KCNMB2: variants seen among roughly 807,000 people sequenced by gnomAD.
The protein encoded by KCNMB2 is calcium-activated potassium channel subunit beta-2.
Under a neutral mutation model 24.5 loss-of-function variants are expected in KCNMB2, and 9 were observed. That is an observed-to-expected ratio of 0.37 (90% CI 0.22 to 0.64). The LOEUF (loss-of-function observed/expected upper bound fraction) is 0.64, where lower values mean the gene tolerates loss of function less well. Ranked by LOEUF, KCNMB2 falls within the 30% of genes least tolerant of loss-of-function variation. KCNMB2 has a pLI of 0.63. For synonymous variants in KCNMB2, 109 were observed against 104.4 expected (o/e 1.04, Z -0.27); for missense variants, 226 against 284.3 (o/e 0.79, Z 1.47).
intron 1 of KCNMB2, among the ~76,000 whole-genome samples, chr3:178,606,800 G>C (rs937154894): frequency 6.6e-6 from 1 of 152,150 alleles, no homozygotes; most frequent in Non-Finnish European, 1.5e-5. Flanking sequence ...AGGAGAGTAA[G>C]TCACAAGGGC....
chr3:178,589,528 T>C (rs927731031), intron 1 of KCNMB2, among the ~76,000 whole-genome samples: 6 of 152,132 alleles, frequency 3.9e-5, no homozygotes, highest in African/African-American at 1.4e-4. Flanking sequence ...ACCCAAGCTA[T>C]AATGCAGTAG....
intron 1 of KCNMB2, among the ~76,000 whole-genome samples, chr3:178,546,137 A>T (rs760871147): frequency 1.3e-5 from 2 of 152,244 alleles, no homozygotes; most frequent in Non-Finnish European, 2.9e-5. Flanking sequence ...GGTTTAGATA[A>T]CATATACCCA....
At position 178,554,094 on chromosome 3, in the gene KCNMB2, GT is replaced by G. The variant is rs898292641; in HGVS notation, c.-68+17393del. Among the ~76,000 whole-genome samples the G allele has an allele frequency of 3.0e-3, 456 of 149,650 alleles. 2 individuals carry two copies. Among genetic ancestry groups the G allele is most frequent in the African/African-American group, 0.01 (421 of 40,846 alleles). ...TGCTGATGATAAAGCTATGAGGTAG[GT>G]TTTTTTTTTAATATCTGTTTCTCAG... On this transcript the variant is annotated intron_variant, in intron 1 of 4. Coordinates refer to ENST00000452583, the MANE Select transcript of KCNMB2 (RefSeq NM_181361.3).
At chr3:178,837,387 C>G (rs766213004) in intron 4 of KCNMB2, among the ~76,000 whole-genome samples, 23 of 152,116 alleles carry the variant, frequency 1.5e-4, no homozygotes, top group Non-Finnish European at 2.9e-4. Context: ...TTCTGAGAGG[C>G]CACATAACTT....
At chr3:178,567,642 G>GACAA (rs59542218) in intron 1 of KCNMB2, among the ~76,000 whole-genome samples, 37,773 of 151,832 alleles carry the variant, frequency 0.25, 7,699 homozygotes, top group African/African-American at 0.57. Context: ...AATTATAAAA[G>GACAA]ACAAACATAA....
intron 1 of KCNMB2, among the ~76,000 whole-genome samples, chr3:178,570,153 C>G (rs1427762684): frequency 6.6e-6 from 1 of 152,074 alleles, no homozygotes; most frequent in African/African-American, 2.4e-5. Context: ...TTTCAATATT[C>G]CCCAATATCT....
intron 1 of KCNMB2, among the ~76,000 whole-genome samples, chr3:178,570,137 G>C (rs1337583017): frequency 6.6e-6 from 1 of 152,146 alleles, no homozygotes; most frequent in Non-Finnish European, 1.5e-5. Context: ...GAATGAAGTA[G>C]TTTGTTTTCA....
chr3:178,759,653 CTCCAAGAGGGATATATATATATATA>C (rs1711627144), intron 1 of KCNMB2, among the ~76,000 whole-genome samples: 7 of 100,046 alleles, frequency 7.0e-5, no homozygotes, highest in African/African-American at 1.2e-4. Flanking sequence ...ATATATATAT[CTCCAAGAGGGATATATATATATATA>C]TCCAAGAGGA....
At chr3:178,715,677 A>T (rs1168725590) in intron 1 of KCNMB2, among the ~76,000 whole-genome samples, 1 of 152,034 alleles carries the variant, frequency 6.6e-6, no homozygotes, top group Admixed American at 6.6e-5. Context: ...TCCAACTGGG[A>T]CCTGCCTCTT....
At chr3:178,729,111 A>G (rs1311869172) in intron 1 of KCNMB2, among the ~76,000 whole-genome samples, 1 of 152,204 alleles carries the variant, frequency 6.6e-6, no homozygotes, top group Non-Finnish European at 1.5e-5. Flanking sequence ...AAAAAAGAAA[A>G]AAGAAAAACA....
At chr3:178,655,604 A>G (rs1327269536) in intron 1 of KCNMB2, among the ~76,000 whole-genome samples, 1 of 152,184 alleles carries the variant, frequency 6.6e-6, no homozygotes, top group Non-Finnish European at 1.5e-5. Flanking sequence ...AAACGACAAA[A>G]CAAAACGGAG....
intron 4 of KCNMB2, among the ~76,000 whole-genome samples, chr3:178,831,274 T>A: frequency 6.6e-6 from 1 of 152,092 alleles, no homozygotes; most frequent in East Asian, 1.9e-4. Flanking sequence ...CAGATAATGG[T>A]GAGGTTGCAA....
intron 1 of KCNMB2, among the ~76,000 whole-genome samples, chr3:178,575,543 A>G (rs776460292): frequency 2.6e-5 from 4 of 152,230 alleles, no homozygotes; most frequent in Non-Finnish European, 5.9e-5. Context: ...TGTGATTTCT[A>G]CTCCACAGGA....
At chr3:178,596,153 T>C (rs915277638) in intron 1 of KCNMB2, among the ~76,000 whole-genome samples, 1 of 152,144 alleles carries the variant, frequency 6.6e-6, no homozygotes, top group East Asian at 1.9e-4. Context: ...TCTTCAATCT[T>C]AATCCCTTAG....
chr3:178,688,323 T>C (rs1721541175), intron 1 of KCNMB2, among the ~76,000 whole-genome samples: 1 of 152,306 alleles, frequency 6.6e-6, no homozygotes, highest in Admixed American at 6.5e-5. Context: ...TATGGTCATA[T>C]TTTTCTGGCA....
In KCNMB2 at chr3:178,686,756, G is replaced by A. The variant is rs768498210; in HGVS notation, c.-67-120587G>A. 5.3e-5 allele frequency among the ~76,000 whole-genome samples: 8 copies of A among 151,880 alleles called. No individual in the cohort carries two copies. In the South Asian group the frequency reaches 6.2e-4, roughly 12 times the overall value. ...CATTTACAATTTAAAAAACTTTCGCGACACCCAAATAATCAAAGAGGAAAA... is the reference window on the plus strand; with the variant it reads ...CATTTACAATTTAAAAAACTTTCGCAACACCCAAATAATCAAAGAGGAAAA... On this transcript the variant is annotated intron_variant, in intron 1 of 4. Coordinates refer to ENST00000452583, the MANE Select transcript of KCNMB2 (RefSeq NM_181361.3).
intron 1 of KCNMB2, among the ~76,000 whole-genome samples, chr3:178,594,026 GT>G (rs768876107): frequency 2.0e-5 from 3 of 151,486 alleles, no homozygotes; most frequent in Non-Finnish European, 4.4e-5. Flanking sequence ...TGTTCTTCTG[GT>G]ATGCCCTCTT....
At chr3:178,814,290 C>T (rs927774113) in intron 2 of KCNMB2, among the ~76,000 whole-genome samples, 5 of 152,126 alleles carry the variant, frequency 3.3e-5, no homozygotes, top group Non-Finnish European at 7.4e-5. Context: ...CTTAGGGTAA[C>T]AGCCTCCCGC....
chr3:178,719,033 GC>G (rs1212838372), intron 1 of KCNMB2, among the ~76,000 whole-genome samples: 1 of 152,146 alleles, frequency 6.6e-6, no homozygotes, highest in Non-Finnish European at 1.5e-5. Flanking sequence ...GCAGCCTCCA[GC>G]CCAGCCCTGT....
Sources: allele counts gnomAD v4.1 joint callset (sites outside exome capture counted in the v4.1 genomes callset), GRCh38; gene constraint gnomAD v4.1.1; transcripts MANE v1.5; gene names NCBI Gene and HGNC (gene_info 2026-07-23, HGNC 2026-07-21).